TPM1: variants seen among roughly 807,000 people sequenced by gnomAD.
TPM1 encodes the protein tropomyosin 1.
Under a neutral mutation model 42.9 loss-of-function variants are expected in TPM1, and 24 were observed. The ratio of observed to expected loss-of-function variants is 0.56; its 90% CI spans 0.41 to 0.79. TPM1 has a LOEUF of 0.79. Among genes scored for constraint, TPM1 ranks in the 30% least tolerant of loss-of-function variants. The probability of loss-of-function intolerance (pLI) is 0.00; values close to 1 mark genes in which losing one functional copy is unlikely to be tolerated. For synonymous variants in TPM1, 136 were observed against 130.1 expected (o/e 1.05, Z -0.31); for missense variants, 158 against 351.8 (o/e 0.45, Z 4.41).
At chr15:63,064,782 G>A (rs1468627468) in intron 9 of TPM1, 65 of 635,506 alleles carry the variant, frequency 1.0e-4, no homozygotes, top group Non-Finnish European at 1.1e-4. Context: ...TGGCTAACAC[G>A]GTGAAACCCT....
chr15:63,055,700 T>C (rs1033487447), intron 2 of TPM1: 1 of 152,232 alleles, frequency 6.6e-6, no homozygotes, highest in African/African-American at 2.4e-5. Flanking sequence ...AACTCCTAAG[T>C]GTTCTGAAAA....
At position 63,044,083 on chromosome 15, in the gene TPM1, G is replaced by A; in HGVS notation, c.171G>A (p.Leu57=). Residue 57 remains leucine (L), a synonymous_variant, in exon 2 of 10, where the codon CTG becomes CTA. Coordinates refer to ENST00000403994, the MANE Select transcript of TPM1 (RefSeq NM_001018005.2). Reference sequence around the variant, plus strand: ...AACTCAAGGGCACCGAAGATGAACTGGACAAATACTCTGAGGCTCTCAAAG... The same window carrying A: ...AACTCAAGGGCACCGAAGATGAACTAGACAAATACTCTGAGGCTCTCAAAG... ...QKKLKGTEDE[L]DKYSEALKDA... is the part of the protein sequence containing the mutation. The A allele has an allele frequency of 6.2e-7, 1 of 1,614,162 alleles. No homozygotes were observed. Among genetic ancestry groups the A allele is most frequent in the Non-Finnish European group, 8.5e-7 (1 of 1,180,026 alleles).
rs755689022 is a variant in TPM1, at chr15:63,061,704, A to G, written c.564-9A>G. ...TCCCACCCTTTCTGCCTCTGATCGAAAACATTAGCAAATGTGCCGAGCTTG... is the reference window on the plus strand; with the variant it reads ...TCCCACCCTTTCTGCCTCTGATCGAGAACATTAGCAAATGTGCCGAGCTTG... On this transcript the variant is annotated splice_polypyrimidine_tract_variant and intron_variant, in intron 5 of 9. Coordinates refer to ENST00000403994, the MANE Select transcript of TPM1 (RefSeq NM_001018005.2). 4 of 1,613,872 alleles carry G rather than the reference A, an allele frequency of 2.5e-6. No homozygotes were observed. Among genetic ancestry groups the G allele is most frequent in the African/African-American group, 1.3e-5 (1 of 74,890 alleles).
At chr15:63,063,055 C>G (rs1276518467) in intron 8 of TPM1, 5 of 983,208 alleles carry the variant, frequency 5.1e-6, no homozygotes, top group African/African-American at 3.5e-5. Context: ...AGTATGAATT[C>G]AAAGTAAGGA....
At chr15:63,064,022 C>T (rs780892893) in intron 8 of TPM1, 42 bp from the exon 9 acceptor site, 3 of 1,611,560 alleles carry the variant, frequency 1.9e-6, no homozygotes, top group African/African-American at 1.3e-5. Flanking sequence ...CTTGATCACT[C>T]TCCATGTTCT....
At position 63,042,865 on chromosome 15, in the gene TPM1, G is replaced by A. The variant is rs1313549801; in HGVS notation, c.36G>A (p.Lys12=). The change falls in exon 1 of 10, where the codon AAG becomes AAA. Residue 12 remains lysine, a synonymous_variant. Coordinates refer to ENST00000403994, the MANE Select transcript of TPM1 (RefSeq NM_001018005.2). ...TCAAGAAGAAGATGCAGATGCTGAA[G>A]CTCGACAAGGAGAACGCCTTGGATC... is the stretch of plus-strand genomic sequence containing the variant. ...DAIKKKMQML[K]LDKENALDRA... is the part of the protein sequence containing the mutation. 1 of 1,613,264 alleles carries A rather than the reference G, an allele frequency of 6.2e-7. No homozygotes were observed.
chr15:63,048,652 A>G (rs1566943867), intron 2 of TPM1: 3 of 1,538,732 alleles, frequency 1.9e-6, no homozygotes, highest in East Asian at 5.0e-5. Context: ...GCCGCTGAGG[A>G]GCGCGCGGGC....
chr15:63,050,967 G>A (rs113735042), intron 2 of TPM1, among the ~76,000 whole-genome samples: 49 of 152,332 alleles, frequency 3.2e-4, no homozygotes, highest in African/African-American at 1.1e-3. Flanking sequence ...TATTAAACCA[G>A]CCCTTACCTT....
intron 2 of TPM1, among the ~76,000 whole-genome samples, chr15:63,055,143 A>G (rs2034575421): frequency 6.6e-6 from 1 of 152,208 alleles, no homozygotes; most frequent in African/African-American, 2.4e-5. Context: ...GTCATCTGCC[A>G]GTAATTCCTA....
chr15:63,061,533 G>A (rs1310794008), intron 5 of TPM1, 180 bp from the exon 6 acceptor site: 5 of 738,940 alleles, frequency 6.8e-6, no homozygotes, highest in Admixed American at 2.1e-5. Context: ...CTGCTGTTGC[G>A]AGGTTGGGGG....
At chr15:63,048,426 C>T (rs936114079) in intron 2 of TPM1, 15 of 1,351,282 alleles carry the variant, frequency 1.1e-5, no homozygotes, top group Admixed American at 4.0e-5. Context: ...CCGGACTGCT[C>T]CTGGCCGCAG....
chr15:63,061,692 G>A (rs1261981946), intron 5 of TPM1, 21 bp from the exon 6 acceptor site: 1 of 1,612,372 alleles, frequency 6.2e-7, no homozygotes, highest in Non-Finnish European at 8.5e-7. Flanking sequence ...CACCCTTTCT[G>A]CCTCTGATCG....
chr15:63,054,690 C>T (rs1033397876), intron 2 of TPM1: 6 of 152,182 alleles, frequency 3.9e-5, no homozygotes, highest in African/African-American at 1.2e-4. Flanking sequence ...CTCTAATAGG[C>T]CATAGCCTCT....
intron 4 of TPM1, 138 bp downstream of exon 4, chr15:63,059,818 C>A (rs533475223): frequency 8.1e-6 from 5 of 619,700 alleles, no homozygotes; most frequent in African/African-American, 5.5e-5. Context: ...AAGCAGAGTT[C>A]CTTTGTGTCC....
At chr15:63,052,059 GA>G (rs2033986508) in intron 2 of TPM1, among the ~76,000 whole-genome samples, 1 of 152,098 alleles carries the variant, frequency 6.6e-6, no homozygotes, top group Non-Finnish European at 1.5e-5. Flanking sequence ...AGAGCACCAG[GA>G]AGTTACTTAA....
At chr15:63,051,272 T>G (rs777547120) in intron 2 of TPM1, among the ~76,000 whole-genome samples, 2 of 152,226 alleles carry the variant, frequency 1.3e-5, no homozygotes, top group African/African-American at 2.4e-5. Context: ...GCACTTTCCC[T>G]CTTTACACTT....
chr15:63,053,314 G>A (rs376567015), intron 2 of TPM1, among the ~76,000 whole-genome samples: 10 of 152,276 alleles, frequency 6.6e-5, no homozygotes, highest in Admixed American at 3.9e-4. Context: ...GGTGGGGGCC[G>A]GAGAACATCT....
intron 2 of TPM1, among the ~76,000 whole-genome samples, chr15:63,049,978 T>C (rs886622585): frequency 1.3e-5 from 2 of 152,230 alleles, no homozygotes; most frequent in African/African-American, 4.8e-5. Flanking sequence ...GGACCCAGAC[T>C]GTCAGAACTT....
In TPM1 at chr15:63,066,061, CG is replaced by C. The variant is rs2036253933; in HGVS notation, c.*163del. The stretch of plus-strand genomic sequence containing the variant: ...TGCTTTCTATTGTACAGAAGCTCTT[CG>C]TTTCAGTGTCAAATAAACACTGTGT... On this transcript the variant is annotated 3_prime_UTR_variant, in exon 10 of 10. Transcript: ENST00000403994. 6.5e-7 allele frequency: 1 copy of C among 1,536,998 alleles called. No individual in the cohort carries two copies. The highest frequency in any genetic ancestry group is 8.7e-7 in the Non-Finnish European group (1 of 1,145,640).
Sources: allele counts gnomAD v4.1 joint callset (sites outside exome capture counted in the v4.1 genomes callset), GRCh38; gene constraint gnomAD v4.1.1; transcripts MANE v1.5; gene names NCBI Gene and HGNC (gene_info 2026-07-23, HGNC 2026-07-21).